Variants in RDX observed in about 807,000 individuals in gnomAD.
RDX encodes radixin.
In RDX, 32 loss-of-function variants were observed where a neutral mutation model predicts 83.7. The observed-to-expected ratio is 0.38, with a 90% CI of 0.29 to 0.51. The LOEUF (loss-of-function observed/expected upper bound fraction) is 0.51. Among genes scored for constraint, RDX ranks in the 20% least tolerant of loss-of-function variants. The pLI, the probability that RDX is intolerant of heterozygous loss-of-function variation, is 0.87. For missense variants in RDX, 600 were observed against 689.9 expected (o/e 0.87, Z 1.46); for synonymous variants, 229 against 222.7 (o/e 1.03, Z -0.25).
chr11:110,233,897 G>T (rs1417627780), intron 12 of RDX, among the ~76,000 whole-genome samples: 1 of 152,188 alleles, frequency 6.6e-6, no homozygotes, highest in Non-Finnish European at 1.5e-5. Context: ...GGAGGAATGA[G>T]ACTGTCGTTA....
At chr11:110,248,854 A>G (rs536866278) in intron 9 of RDX, among the ~76,000 whole-genome samples, 1 of 152,338 alleles carries the variant, frequency 6.6e-6, no homozygotes, top group South Asian at 2.1e-4. Flanking sequence ...TTTCTTGGGT[A>G]GTACCCATTT....
chr11:110,244,770 T>C (rs889288146), intron 10 of RDX, among the ~76,000 whole-genome samples: 2 of 152,086 alleles, frequency 1.3e-5, no homozygotes, highest in Admixed American at 6.6e-5. Flanking sequence ...TAAACAAAAC[T>C]AATCTCTATA....
rs544535496 is a variant in RDX at position 110,266,746 on chromosome 11, G to T, written c.97-1872C>A. Among the ~76,000 whole-genome samples the T allele has an allele frequency of 5.0e-3, 749 of 150,910 alleles. 12 individuals carry two copies. Among genetic ancestry groups the T allele is most frequent in the African/African-American group, 0.016 (646 of 41,094 alleles). On this transcript the variant is annotated intron_variant, in intron 3 of 13. Transcript: ENST00000645495. Reference sequence around the variant, plus strand: ...CCACACCTAGTTAATGTTTTTTTTTGTTTTGTTTTGTTTTGTTTTCTGTAG... The same window carrying T: ...CCACACCTAGTTAATGTTTTTTTTTTTTTTGTTTTGTTTTGTTTTCTGTAG...
At chr11:110,266,833 C>T (rs1860069885) in intron 3 of RDX, among the ~76,000 whole-genome samples, 2 of 152,124 alleles carry the variant, frequency 1.3e-5, no homozygotes, top group Admixed American at 6.5e-5. Context: ...AGTGATCCTC[C>T]CACTTCAGCC....
chr11:110,207,348 T>C (rs949037054), intron 14 of RDX, among the ~76,000 whole-genome samples: 1 of 152,160 alleles, frequency 6.6e-6, no homozygotes, highest in African/African-American at 2.4e-5. Flanking sequence ...GCAATCTGTG[T>C]TTTAACAAGC....
chr11:110,218,710 T>C (rs1421708537), intron 14 of RDX, among the ~76,000 whole-genome samples: 1 of 152,220 alleles, frequency 6.6e-6, no homozygotes, highest in Non-Finnish European at 1.5e-5. Flanking sequence ...TGACTCGATA[T>C]ATTTGCATAT....
chr11:110,195,890 G>C (rs187905864), intron 15 of RDX: 1 of 152,266 alleles, frequency 6.6e-6, no homozygotes, highest in African/African-American at 2.4e-5. Context: ...GCTTGGGACT[G>C]CAGGGTGCTG....
rs150080711 is a variant in RDX, at chr11:110,272,920, C to T, written c.13-301G>A. 232 of 471,718 alleles carry T rather than the reference C, an allele frequency of 4.9e-4. 6 individuals are homozygous for T. The highest frequency in any genetic ancestry group is 3.2e-3 in the South Asian group (203 of 64,428). 29.2% of individuals were successfully genotyped at this position (471,718 alleles called of 1,614,324 possible). A position where few individuals can be genotyped will look rare whatever the true frequency, so the allele number is the denominator to read the frequency against. On this transcript the variant is annotated intron_variant, in intron 2 of 13. Coordinates refer to ENST00000645495, the MANE Select transcript of RDX (RefSeq NM_002906.4). ...AGTTTCCATTATTCACCTAAGGACACGTGGATATTAAAAGGCAGAGCAAGA... is the reference window on the plus strand; with the variant it reads ...AGTTTCCATTATTCACCTAAGGACATGTGGATATTAAAAGGCAGAGCAAGA...
intron 15 of RDX, among the ~76,000 whole-genome samples, chr11:110,183,386 G>A (rs533386279): frequency 1.2e-4 from 18 of 152,272 alleles, no homozygotes; most frequent in East Asian, 5.8e-4. Flanking sequence ...GGAGTACAGC[G>A]GCACAATCAC....
At position 110,233,414 on chromosome 11, in the gene RDX, G is replaced by T. The variant is rs577555846; in HGVS notation, c.1410C>A (p.Pro470=). The T allele has an allele frequency of 2.9e-4, 464 of 1,614,026 alleles. 5 individuals are homozygous for T. The South Asian group carries it at 3.6e-3, about 12-fold the overall frequency. The change falls in exon 13 of 14, where the codon CCC becomes CCA. Residue 470 remains proline, a synonymous_variant. Coordinates refer to ENST00000645495, the MANE Select transcript of RDX (RefSeq NM_002906.4). ...KEELKTVMSA[P]PPPPPPPVIP... ...TGACTGGTGGTGGTGGAGGTGGAGGGGGGGCAGACATCACAGTTTTTAACT... is the reference window on the plus strand; with the variant it reads ...TGACTGGTGGTGGTGGAGGTGGAGGTGGGGCAGACATCACAGTTTTTAACT...
At chr11:110,175,120 C>G (rs1862743855) in exon 16 of RDX, 1 of 152,128 alleles carries the variant, frequency 6.6e-6, no homozygotes, top group South Asian at 2.1e-4. Flanking sequence ...TGCTTAAGGC[C>G]CCAGAAAAAC....
intron 10 of RDX, among the ~76,000 whole-genome samples, chr11:110,242,349 G>T (rs183458622): frequency 6.6e-6 from 1 of 151,078 alleles, no homozygotes; most frequent in African/African-American, 2.4e-5. Flanking sequence ...CAGGAGAATC[G>T]CTTGAACCCG....
At chr11:110,250,006 C>A (rs1253598515) in intron 9 of RDX, among the ~76,000 whole-genome samples, 2 of 152,200 alleles carry the variant, frequency 1.3e-5, no homozygotes, top group African/African-American at 2.4e-5. Flanking sequence ...CTATTCCTAA[C>A]CCCAGTATTT....
At chr11:110,205,048 A>T (rs942380606) in intron 14 of RDX, among the ~76,000 whole-genome samples, 3 of 152,222 alleles carry the variant, frequency 2.0e-5, no homozygotes, top group African/African-American at 7.2e-5. Flanking sequence ...TAGTATTGAC[A>T]CAGGGATAGA....
chr11:110,194,599 G>C (rs1337873446), intron 15 of RDX, among the ~76,000 whole-genome samples: 1 of 152,150 alleles, frequency 6.6e-6, no homozygotes, highest in East Asian at 1.9e-4. Context: ...TTATAATCAA[G>C]GAGAGGACTG....
chr11:110,292,589 C>T (rs11213340), intron 1 of RDX, among the ~76,000 whole-genome samples: 57,756 of 151,678 alleles, frequency 0.38, 11,095 homozygotes, highest in East Asian at 0.51. Context: ...AACTGAAGAG[C>T]GCTCACTTCA....
At chr11:110,217,907 A>AGGT (rs1555033991) in intron 14 of RDX, among the ~76,000 whole-genome samples, 3 of 151,752 alleles carry the variant, frequency 2.0e-5, no homozygotes, top group African/African-American at 4.8e-5. Flanking sequence ...TTCTTCCTCT[A>AGGT]GATGTTTTAA....
intron 14 of RDX, among the ~76,000 whole-genome samples, chr11:110,209,317 G>A (rs1225305723): frequency 2.4e-4 from 36 of 152,224 alleles, no homozygotes; most frequent in Non-Finnish European, 4.1e-4. Flanking sequence ...ATTATATCCG[G>A]CACCTGGCTC....
intron 3 of RDX, among the ~76,000 whole-genome samples, chr11:110,271,743 C>A (rs577303961): frequency 6.6e-6 from 1 of 152,016 alleles, no homozygotes; most frequent in East Asian, 1.9e-4. Flanking sequence ...CTTAACATAC[C>A]GGATACCTGA....
Sources: gnomAD v4.1 joint callset for allele counts (sites outside exome capture counted in the v4.1 genomes callset) on GRCh38, gnomAD v4.1.1 for gene constraint, MANE v1.5 for transcripts, NCBI Gene and HGNC (gene_info 2026-07-23, HGNC 2026-07-21) for gene names.